Variants in PUDP observed in about 807,000 individuals in gnomAD.
PUDP encodes pseudouridine-5'-phosphatase.
A neutral mutation model predicts 9.4 loss-of-function variants in PUDP; 8 were observed. That is an observed-to-expected ratio of 0.85 (90% CI 0.50 to 1.53). The LOEUF (loss-of-function observed/expected upper bound fraction) is 1.53. Ranked by LOEUF, PUDP falls within the 40% of genes most tolerant of loss-of-function variation. The pLI, the probability that PUDP is intolerant of heterozygous loss-of-function variation, is 0.00. For missense variants in PUDP, 188 were observed against 189.7 expected, an observed-to-expected ratio of 0.99 and a Z score of 0.05; for synonymous variants, 99 against 80.7, an observed-to-expected ratio of 1.23 and a Z score of -1.22.
At chrX:7,071,793 T>C (rs1268767502) in intron 3 of PUDP, among the ~76,000 whole-genome samples, 2 of 94,747 alleles carry the variant, frequency 2.1e-5, no homozygotes, top group African/African-American at 7.8e-5. Flanking sequence ...TTTTTTTCCT[T>C]TGAGACAGAG....
chrX:6,977,815 C>CAT (rs1928977670), intron 2 of PUDP, among the ~76,000 whole-genome samples: 1 of 112,818 alleles, frequency 8.9e-6, no homozygotes, highest in South Asian at 3.6e-4. Context: ...TCAGCACTTG[C>CAT]ATAGACAATG....
intron 3 of PUDP, among the ~76,000 whole-genome samples, chrX:6,778,871 T>A (rs755909905): frequency 4.5e-5 from 5 of 112,310 alleles, no homozygotes; most frequent in Non-Finnish European, 9.4e-5. Flanking sequence ...GTAGTTGCTG[T>A]AGCCTGAGAA....
intron 3 of PUDP, among the ~76,000 whole-genome samples, chrX:6,815,652 T>C (rs1926218467): frequency 9.0e-6 from 1 of 111,017 alleles, no homozygotes; most frequent in Non-Finnish European, 1.9e-5. Context: ...CGTGAGAACC[T>C]AGACTATAGC....
intron 1 of PUDP, among the ~76,000 whole-genome samples, chrX:7,024,754 C>CTTTT (rs55692944): frequency 9.2e-5 from 5 of 54,441 alleles, no homozygotes; most frequent in Admixed American, 2.1e-4. Flanking sequence ...GCCCGGCTAA[C>CTTTT]TTTTTTTTTT....
At chrX:6,928,884 G>C (rs1353416906) in intron 3 of PUDP, among the ~76,000 whole-genome samples, 1 of 111,643 alleles carries the variant, frequency 9.0e-6, no homozygotes, top group Non-Finnish European at 1.9e-5. Flanking sequence ...CTGGGTGAAA[G>C]AGCAAGACCC....
chrX:7,056,600 G>A lies in PUDP; in HGVS notation c.511-6128C>T, dbSNP rs1279986281. Among the ~76,000 whole-genome samples the A allele has an allele frequency of 3.6e-5, 4 of 111,685 alleles. No individual in the cohort carries two copies. The Admixed American group carries it at 3.8e-4, about 11-fold the overall frequency. ...GTCAAGAATATTCTTGACGCAGCTT[G>A]TACAGCCTACATATCGGCTGTAACT... On this transcript the variant is annotated intron_variant, in intron 3 of 3. Coordinates refer to ENST00000381077, the MANE Select transcript of PUDP (RefSeq NM_012080.5).
chrX:6,991,669 C>A, intron 1 of PUDP, among the ~76,000 whole-genome samples: 1 of 90,396 alleles, frequency 1.1e-5, no homozygotes. Flanking sequence ...AGAGTAAGAC[C>A]TTGTCTCAAA....
chrX:6,880,125 T>C (rs1324042294), intron 3 of PUDP, among the ~76,000 whole-genome samples: 1 of 109,298 alleles, frequency 9.1e-6, no homozygotes. Context: ...TTAATTTCAA[T>C]AGATTTTTGG....
chrX:6,953,840 C>A lies in PUDP; in HGVS notation c.*247+23293G>T, dbSNP rs774621769. ...TGCCCTTGATATGGTTTTGCTGTGT[C>A]CCCACCCAGATCTCATCTTGAATTG... is the stretch of plus-strand genomic sequence containing the variant. On this transcript the variant is annotated intron_variant and NMD_transcript_variant, in intron 3 of 3. Transcript: ENST00000655425. 5.4e-5 allele frequency among the ~76,000 whole-genome samples: 6 copies of A among 111,730 alleles called. No individual in the cohort carries two copies. In the South Asian group the frequency reaches 2.3e-3, roughly 42 times the overall value.
intron 1 of PUDP, among the ~76,000 whole-genome samples, chrX:7,114,410 C>T (rs1474823592): frequency 9.0e-6 from 1 of 111,457 alleles, no homozygotes; most frequent in Admixed American, 9.6e-5. Context: ...CCAGCAGTCC[C>T]ACTCCTTTGA....
At chrX:6,895,101 G>C (rs1927569866) in intron 3 of PUDP, among the ~76,000 whole-genome samples, 3 of 110,171 alleles carry the variant, frequency 2.7e-5, no homozygotes, top group Admixed American at 9.9e-5. Context: ...TCGGTCCTGA[G>C]GAGGTGGGCT....
intron 3 of PUDP, among the ~76,000 whole-genome samples, chrX:6,877,452 G>A (rs7060965): frequency 0.047 from 5,264 of 111,513 alleles, 309 homozygotes; most frequent in African/African-American, 0.16. Flanking sequence ...AGAAGCATGC[G>A]GTGCCAGGGC....
At chrX:6,778,393 C>G (rs958095627) in intron 3 of PUDP, among the ~76,000 whole-genome samples, 2 of 112,562 alleles carry the variant, frequency 1.8e-5, no homozygotes, top group African/African-American at 6.5e-5. Context: ...GCATGCAAAT[C>G]TATTTGCAAC....
intron 3 of PUDP, among the ~76,000 whole-genome samples, chrX:6,766,555 G>A (rs765824343): frequency 8.9e-6 from 1 of 111,807 alleles, no homozygotes; most frequent in African/African-American, 3.2e-5. Context: ...AGCATCTAGA[G>A]AAATTACTAA....
intron 1 of PUDP, among the ~76,000 whole-genome samples, chrX:7,138,782 C>CCTGTGTTT (rs1368529971): frequency 6.2e-5 from 7 of 112,142 alleles, no homozygotes; most frequent in African/African-American, 2.3e-4. Context: ...GCTATGCAAA[C>CCTGTGTTT]CCAAGGGGAA....
chrX:6,800,906 T>C (rs750611731), intron 3 of PUDP, among the ~76,000 whole-genome samples: 4 of 111,563 alleles, frequency 3.6e-5, no homozygotes, highest in Non-Finnish European at 7.5e-5. Context: ...CTCAATCCCT[T>C]CCTCTCCATC....
intron 3 of PUDP, among the ~76,000 whole-genome samples, chrX:6,789,322 TAAATA>T: frequency 1.0e-5 from 1 of 100,377 alleles, no homozygotes; most frequent in East Asian, 3.4e-4. Context: ...AATAAATAAA[TAAATA>T]GAAGAAGCAA....
chrX:6,796,949 A>G (rs1230922589), intron 3 of PUDP, among the ~76,000 whole-genome samples: 1 of 112,323 alleles, frequency 8.9e-6, no homozygotes, highest in East Asian at 2.8e-4. Flanking sequence ...GCCAGATGGT[A>G]TAATTTCTGA....
chrX:6,810,414 C>T (rs1000949821), intron 3 of PUDP, among the ~76,000 whole-genome samples: 14 of 111,681 alleles, frequency 1.3e-4, no homozygotes, highest in African/African-American at 4.2e-4. Context: ...TCACAGAAAA[C>T]ATAGCCCTAT....
Sources: gnomAD v4.1 joint callset for allele counts (sites outside exome capture counted in the v4.1 genomes callset) on GRCh38, gnomAD v4.1.1 for gene constraint, MANE v1.5 for transcripts, NCBI Gene and HGNC (gene_info 2026-07-23, HGNC 2026-07-21) for gene names.